The following LHX9 variants were observed in gnomAD, a reference collection of about 807,000 sequenced individuals.
LHX9 encodes LIM/homeobox protein Lhx9.
Under a neutral mutation model 36.5 loss-of-function variants are expected in LHX9, and 9 were observed. The ratio of observed to expected loss-of-function variants is 0.25; its 90% CI spans 0.15 to 0.43. LHX9 has a LOEUF of 0.43. Among genes scored for constraint, LHX9 ranks in the 20% least tolerant of loss-of-function variants. The pLI is 1.00. For missense variants in LHX9, 464 were observed against 526.4 expected (o/e 0.88, Z 1.16); for synonymous variants, 211 against 212.1 (o/e 0.99, Z 0.04).
At chr1:197,927,914 T>A (rs1660194440) in intron 4 of LHX9, 121 bp downstream of exon 4, 1 of 935,362 alleles carries the variant, frequency 1.1e-6, no homozygotes. Flanking sequence ...TAGTTTATCT[T>A]AGCTATCTCC....
chr1:197,921,504 G>A lies in LHX9; in HGVS notation c.578G>A (p.Gly193Glu), dbSNP rs372071986. ...GCCCACTTCGAGACCCTCTTGCAAG[G>A]AGAGTATCCACCGCAGCTGAGCTAC... ...CRAHFETLLQ[G>E]EYPPQLSYTE... is the part of the protein sequence containing the mutation. Residue 193 changes from glycine to glutamate, a missense_variant, in exon 3 of 5, where the codon GGA becomes GAA. Physicochemically the swap from Gly to Glu is moderately conservative, Grantham distance 98 (BLOSUM62 -2). Around this residue, in one of 5 missense-constraint regions of LHX9, gnomAD observed 130 missense variants for 109.6 expected, o/e 1.19. Transcript: ENST00000367387. The surrounding 1 kb of genome is among the most constrained non-coding windows in gnomAD (Gnocchi z 4.6). The A allele has an allele frequency of 8.1e-6, 13 of 1,614,032 alleles. No individual in the cohort carries two copies. The highest frequency in any genetic ancestry group is 9.3e-6 in the Non-Finnish European group (11 of 1,180,036).
chr1:197,923,811 G>C (rs1660068315), intron 3 of LHX9, among the ~76,000 whole-genome samples: 1 of 152,070 alleles, frequency 6.6e-6, no homozygotes, highest in African/African-American at 2.4e-5. Flanking sequence ...GAGCCACTTA[G>C]GTCTTTAGTT....
At position 197,929,119 on chromosome 1, in the gene LHX9, G is replaced by C. The variant is rs376004736; in HGVS notation, c.1054G>C (p.Ala352Pro). The C allele has an allele frequency of 6.2e-7, 1 of 1,613,752 alleles. No homozygotes were observed. The highest frequency in any genetic ancestry group is 8.5e-7 in the Non-Finnish European group (1 of 1,179,920). ...GGCCCCGCCCTCAGCAGACAGCGGAGCTCTCACTCCACCCGGCACTGCGAC... is the reference window on the plus strand; with the variant it reads ...GGCCCCGCCCTCAGCAGACAGCGGACCTCTCACTCCACCCGGCACTGCGAC... Reference protein sequence around the residue: ...LPAPPSADSGALTPPGTATTL... With the variant: ...LPAPPSADSGPLTPPGTATTL... Residue 352 changes from alanine to proline, a missense_variant, in exon 5 of 5, where the codon GCT becomes CCT. Coordinates refer to ENST00000367387, the MANE Select transcript of LHX9 (RefSeq NM_020204.3).
At chr1:197,927,876 C>T (rs925572339) in intron 4 of LHX9, 83 bp downstream of exon 4, 28 of 1,227,200 alleles carry the variant, frequency 2.3e-5, no homozygotes, top group South Asian at 1.8e-4. Context: ...GTTAGAGTGA[C>T]GCAGATATTT....
At chr1:197,925,438 T>G (rs531450243) in intron 3 of LHX9, among the ~76,000 whole-genome samples, 1 of 152,304 alleles carries the variant, frequency 6.6e-6, no homozygotes, top group African/African-American at 2.4e-5. Flanking sequence ...TTCAATTTGA[T>G]GTATTGTTCA....
At chr1:197,912,619 A>G, upstream of LHX9, 2 of 1,530,072 alleles carry the variant, frequency 1.3e-6, no homozygotes, top group Non-Finnish European at 1.8e-6. Context: ...TGCGTATACC[A>G]TGTGAGTGTG....
upstream of LHX9, chr1:197,912,475 C>G: frequency 6.2e-7 from 1 of 1,601,846 alleles, no homozygotes; most frequent in Admixed American, 1.7e-5. Context: ...TGACTCCCGG[C>G]TTTTCTCTGC....
upstream of LHX9, chr1:197,916,032 G>A (rs1659737892): frequency 6.6e-6 from 1 of 152,224 alleles, no homozygotes; most frequent in Non-Finnish European, 1.5e-5. Flanking sequence ...TCCTGGGAAA[G>A]GCGGCGGGAA....
At chr1:197,919,554 A>G (rs972394079) in intron 1 of LHX9, among the ~76,000 whole-genome samples, 2 of 152,244 alleles carry the variant, frequency 1.3e-5, no homozygotes, top group Non-Finnish European at 2.9e-5. Flanking sequence ...TTTGTTTAAA[A>G]ATAACCTGTG....
upstream of LHX9, chr1:197,916,529 G>A: frequency 1.6e-6 from 1 of 612,342 alleles, no homozygotes; most frequent in South Asian, 1.9e-5. Context: ...AGAATCTCCG[G>A]CAACCTTCCT....
In LHX9 at chr1:197,934,316, A is replaced by G. The variant is rs1374665770; in HGVS notation, c.*5057A>G. ...CATTTTCTGTTGCAGTGTGACTGCA[A>G]GGCATGTTGTGGTGGAAATCATTAG... On this transcript the variant is annotated 3_prime_UTR_variant, in exon 5 of 5. Transcript: ENST00000367387. 1 of 152,178 alleles carries G rather than the reference A, an allele frequency of 6.6e-6. No homozygotes were observed. The allele number at this position is 152,178 out of a possible 1,614,324, so 9.4% of individuals were successfully genotyped here.
In LHX9 at chr1:197,931,066, T is replaced by G. The variant is rs1179082207; in HGVS notation, c.*1807T>G. Reference sequence around the variant, plus strand: ...CTTTATTAAGTAGACTAATTATAACTCAGTTCTCCTATGTGCCTTATGATA... The same window carrying G: ...CTTTATTAAGTAGACTAATTATAACGCAGTTCTCCTATGTGCCTTATGATA... On this transcript the variant is annotated 3_prime_UTR_variant, in exon 5 of 5. Transcript: ENST00000367387. The G allele has an allele frequency of 6.6e-6, 1 of 152,046 alleles. No homozygotes were observed. Among genetic ancestry groups the G allele is most frequent in the African/African-American group, 2.4e-5 (1 of 41,456 alleles). The allele number at this position is 152,046 out of a possible 1,614,324, so 9.4% of individuals were successfully genotyped here. A position where few individuals can be genotyped will look rare whatever the true frequency, so the allele number is the denominator to read the frequency against.
chr1:197,917,806 A>T lies in LHX9; in HGVS notation c.-18A>T. The T allele has an allele frequency of 6.2e-7, 1 of 1,614,014 alleles. No individual in the cohort carries two copies. The highest frequency in any genetic ancestry group is 2.2e-5 in the East Asian group (1 of 44,870). ...GCCTCCTTCACTCGGATGAGCTGAA[A>T]GCCCCGGGCGTGTGTATATGGAAAT... On this transcript the variant is annotated 5_prime_UTR_variant, in exon 1 of 5. In the 5' UTR this introduces an upstream ATG that the reference lacks. Transcript: ENST00000367387.
Position 197,920,256 on chromosome 1 carries a change from C to A in LHX9, c.377+82C>A, listed in dbSNP as rs563590070. On this transcript the variant is annotated intron_variant, in intron 2 of 4. Coordinates refer to ENST00000367387, the MANE Select transcript of LHX9 (RefSeq NM_020204.3). ...CTGAGCCCGGAATCCCCTCTCCGTC[C>A]CCTACCTTTTGCCCCATTCCGGGTG... 5.0e-4 allele frequency: 686 copies of A among 1,375,740 alleles called. 1 individual carries two copies. In the African/African-American group the frequency reaches 7.6e-3, roughly 15 times the overall value. The allele number at this position is 1,375,740 out of a possible 1,614,324, so 85.2% of individuals were successfully genotyped here.
chr1:197,933,382 T>C lies in LHX9; in HGVS notation c.*4123T>C, dbSNP rs570149551. ...GCAACTTACTAATAAAAAAAAGCAA[T>C]GCACCATGACAAGTAGACTATTTTG... On this transcript the variant is annotated 3_prime_UTR_variant, in exon 5 of 5. Coordinates refer to ENST00000367387, the MANE Select transcript of LHX9 (RefSeq NM_020204.3). The C allele has an allele frequency of 5.3e-5, 8 of 152,110 alleles. No individual in the cohort carries two copies. The highest frequency in any genetic ancestry group is 1.2e-4 in the Non-Finnish European group (8 of 67,990). The allele number at this position is 152,110 out of a possible 1,614,324, so 9.4% of individuals were successfully genotyped here.
chr1:197,917,232 G>C, upstream of LHX9: 1 of 1,199,834 alleles, frequency 8.3e-7, no homozygotes, highest in Non-Finnish European at 1.1e-6. Flanking sequence ...CATCACCAGG[G>C]GGTTGAGAGG....
In LHX9 at chr1:197,925,149, T is replaced by C. The variant is rs150894930; in HGVS notation, c.734-2442T>C. On this transcript the variant is annotated intron_variant, in intron 3 of 4. Coordinates refer to ENST00000367387, the MANE Select transcript of LHX9 (RefSeq NM_020204.3). ...AGCTATCTCCTTACATATTGGATTGTGTATTTTATGTGGAAACAGGGCCTA... is the reference window on the plus strand; with the variant it reads ...AGCTATCTCCTTACATATTGGATTGCGTATTTTATGTGGAAACAGGGCCTA... Among the ~76,000 whole-genome samples the C allele has an allele frequency of 1.1e-4, 17 of 150,932 alleles. 6 individuals are homozygous for C. The East Asian group carries it at 2.4e-3, about 21-fold the overall frequency.
At chr1:197,916,416 G>A (rs907519505), upstream of LHX9, 1 of 509,060 alleles carries the variant, frequency 2.0e-6, no homozygotes, top group Non-Finnish European at 3.5e-6. Flanking sequence ...GGTAGTGGGA[G>A]AAGCACGCGA....
upstream of LHX9, chr1:197,912,884 C>A: frequency 2.5e-6 from 1 of 392,524 alleles, no homozygotes; most frequent in Non-Finnish European, 4.6e-6. Context: ...GCGCTCCTGA[C>A]CCTCCGGGGA....
Sources: allele counts gnomAD v4.1 joint callset (sites outside exome capture counted in the v4.1 genomes callset), GRCh38; gene constraint gnomAD v4.1.1; regional missense constraint gnomAD v4.1.1; non-coding constraint Gnocchi (gnomAD v3.1); transcripts MANE v1.5; gene names NCBI Gene and HGNC (gene_info 2026-07-23, HGNC 2026-07-21).